SOX5: variants seen among roughly 807,000 people sequenced by gnomAD.
The protein encoded by SOX5 is transcription factor SOX-5.
SOX5 carries 9 observed loss-of-function variants against 92.0 expected under a neutral mutation model. The ratio of observed to expected loss-of-function variants is 0.10; its 90% confidence interval spans 0.06 to 0.17. The LOEUF (loss-of-function observed/expected upper bound fraction) is 0.17. SOX5 is among the 10% of genes least tolerant of loss of function. SOX5 has a pLI of 1.00. For missense variants in SOX5, 642 were observed against 944.5 expected, an observed-to-expected ratio of 0.68 and a Z score of 4.20; for synonymous variants, 344 against 336.3, an observed-to-expected ratio of 1.02 and a Z score of -0.25.
At chr12:23,707,558 C>T (rs1165693174) in intron 6 of SOX5, among the ~76,000 whole-genome samples, 1 of 152,024 alleles carries the variant, frequency 6.6e-6, no homozygotes, top group Non-Finnish European at 1.5e-5. Flanking sequence ...CAGAGAGCAA[C>T]GATTATGTGC....
chr12:23,596,068 C>T (rs1237248583), intron 9 of SOX5, among the ~76,000 whole-genome samples: 4 of 152,206 alleles, frequency 2.6e-5, no homozygotes, highest in African/African-American at 9.6e-5. Context: ...ACCTTCTGGG[C>T]TTCCAACTTA....
chr12:23,646,654 C>G (rs1382012428), intron 7 of SOX5, among the ~76,000 whole-genome samples: 4 of 152,192 alleles, frequency 2.6e-5, no homozygotes, highest in Non-Finnish European at 5.9e-5. Flanking sequence ...TGTTCTCAAT[C>G]CTTTGTTGTC....
intron 4 of SOX5, among the ~76,000 whole-genome samples, chr12:24,132,118 CTTCAGTTACA>C (rs1477279297): frequency 6.6e-6 from 1 of 152,166 alleles, no homozygotes; most frequent in Admixed American, 6.5e-5. Context: ...AAAAGGCTTA[CTTCAGTTACA>C]TTCAACAAAC....
At chr12:23,966,194 C>A (rs953176123) in intron 4 of SOX5, among the ~76,000 whole-genome samples, 1 of 61,388 alleles carries the variant, frequency 1.6e-5, no homozygotes, top group Non-Finnish European at 3.3e-5. Flanking sequence ...CAGAGGGACA[C>A]TCAATATCCA....
intron 10 of SOX5, among the ~76,000 whole-genome samples, chr12:23,570,686 G>A (rs147593933): frequency 0.018 from 2,716 of 151,434 alleles, 58 homozygotes; most frequent in African/African-American, 0.053. Context: ...CCAGGCAGGC[G>A]GATCACGAGG....
rs373186366 is a variant in SOX5 at position 24,417,265 on chromosome 12, T to C, written c.-250-48626A>G. On this transcript the variant is annotated intron_variant, in intron 1 of 4. Transcript: ENST00000446891. ...TATCCAGTGTTACCACAAGAGTCCA[T>C]TTCTTGGTTCTCCTATTTTGAGGCA... 9.2e-5 allele frequency among the ~76,000 whole-genome samples: 14 copies of C among 152,332 alleles called. No individual in the cohort carries two copies. The South Asian group carries it at 2.5e-3, about 27-fold the overall frequency.
At chr12:24,441,043 T>C (rs536058913) in intron 1 of SOX5, among the ~76,000 whole-genome samples, 100 of 152,336 alleles carry the variant, frequency 6.6e-4, no homozygotes, top group South Asian at 1.2e-3. Flanking sequence ...GGAATTCTTA[T>C]TGTAGGACTT....
At chr12:23,793,242 A>T (rs2095507489) in intron 3 of SOX5, among the ~76,000 whole-genome samples, 1 of 152,204 alleles carries the variant, frequency 6.6e-6, no homozygotes, top group African/African-American at 2.4e-5. Context: ...ATTTTAAAGT[A>T]AAAAAATTGG....
chr12:23,601,513 T>C (rs9804741), intron 9 of SOX5, among the ~76,000 whole-genome samples: 38,280 of 152,014 alleles, frequency 0.25, 6,165 homozygotes, highest in African/African-American at 0.45. Flanking sequence ...TTTAATAAAA[T>C]AACTCTATTT....
At chr12:24,508,388 G>C (rs891395626) in intron 1 of SOX5, among the ~76,000 whole-genome samples, 1 of 152,116 alleles carries the variant, frequency 6.6e-6, no homozygotes, top group African/African-American at 2.4e-5. Flanking sequence ...AAGAATCAAA[G>C]CTGGCTTTGA....
chr12:24,037,478 A>G (rs1472826782), intron 4 of SOX5, among the ~76,000 whole-genome samples: 1 of 152,190 alleles, frequency 6.6e-6, no homozygotes, highest in East Asian at 1.9e-4. Flanking sequence ...CAGATAAAAA[A>G]TAATAAGAAA....
intron 1 of SOX5, among the ~76,000 whole-genome samples, chr12:23,916,935 G>T (rs2097423494): frequency 6.6e-6 from 1 of 152,074 alleles, no homozygotes; most frequent in Non-Finnish European, 1.5e-5. Context: ...TGGATATTTT[G>T]TGTTACATAC....
At chr12:24,368,976 C>A (rs1204384200) in intron 1 of SOX5, among the ~76,000 whole-genome samples, 2 of 152,216 alleles carry the variant, frequency 1.3e-5, no homozygotes, top group African/African-American at 4.8e-5. Context: ...GGTTCCACCA[C>A]ACTATATATA....
At chr12:24,507,808 T>C (rs1948941390) in intron 1 of SOX5, among the ~76,000 whole-genome samples, 1 of 152,082 alleles carries the variant, frequency 6.6e-6, no homozygotes, top group Non-Finnish European at 1.5e-5. Flanking sequence ...GAGAGGATGA[T>C]AAATGAAACA....
At chr12:23,707,594 T>C (rs1469169323) in intron 6 of SOX5, among the ~76,000 whole-genome samples, 1 of 152,182 alleles carries the variant, frequency 6.6e-6, no homozygotes, top group Non-Finnish European at 1.5e-5. Flanking sequence ...TATTTAAAAA[T>C]ATCATAATTT....
At chr12:23,666,428 A>G (rs2083816437) in intron 6 of SOX5, among the ~76,000 whole-genome samples, 1 of 152,202 alleles carries the variant, frequency 6.6e-6, no homozygotes, top group African/African-American at 2.4e-5. Flanking sequence ...AGGAATTTTT[A>G]GAAATACAAC....
rs2135829146 is a variant in SOX5, at chr12:23,533,290, CT to C, written c.*928del. 1 of 408,006 alleles carries C rather than the reference CT, an allele frequency of 2.5e-6. No homozygotes were observed. The highest frequency in any genetic ancestry group is 5.1e-6 in the Non-Finnish European group (1 of 195,598). 25.3% of individuals were successfully genotyped at this position (408,006 alleles called of 1,614,324 possible). On this transcript the variant is annotated 3_prime_UTR_variant, in exon 15 of 15. Transcript: ENST00000451604. Reference sequence around the variant, plus strand: ...ATCCAAGATCAGAAAATATTTTTCTCTAAATTTCTTATGTCTCTCTCTCTCT... The same window carrying C: ...ATCCAAGATCAGAAAATATTTTTCTCAAATTTCTTATGTCTCTCTCTCTCT...
intron 3 of SOX5, among the ~76,000 whole-genome samples, chr12:23,801,892 A>G (rs1036550867): frequency 2.6e-5 from 4 of 152,174 alleles, no homozygotes; most frequent in Admixed American, 1.3e-4. Context: ...TAACAGTCCT[A>G]TAGAAAGAGG....
intron 4 of SOX5, among the ~76,000 whole-genome samples, chr12:24,172,076 TGC>T (rs35994767): frequency 7.1e-6 from 1 of 141,486 alleles, no homozygotes; most frequent in African/African-American, 2.6e-5. Flanking sequence ...GAACTGTGTG[TGC>T]GTGTGTGTGT....
Sources: allele counts gnomAD v4.1 joint callset (sites outside exome capture counted in the v4.1 genomes callset), GRCh38; gene constraint gnomAD v4.1.1; transcripts MANE v1.5; gene names NCBI Gene and HGNC (gene_info 2026-07-23, HGNC 2026-07-21).